ASCC3: variants seen among roughly 807,000 people sequenced by gnomAD.
ASCC3 encodes the protein ASC-1 complex subunit P200.
In ASCC3, 158 loss-of-function variants were observed where a neutral mutation model predicts 256.3. The observed-to-expected ratio is 0.62, with a 90% confidence interval of 0.54 to 0.70. The LOEUF is 0.70. Among genes scored for constraint, ASCC3 ranks in the 30% least tolerant of loss-of-function variants. The pLI is 0.00. For missense variants in ASCC3, 2,259 were observed against 2,626.0 expected (o/e 0.86, Z 3.05); for synonymous variants, 948 against 883.4 (o/e 1.07, Z -1.30).
At chr6:100,712,512 AC>A (rs1023433855) in intron 13 of ASCC3, among the ~76,000 whole-genome samples, 1 of 152,154 alleles carries the variant, frequency 6.6e-6, no homozygotes, top group African/African-American at 2.4e-5. Flanking sequence ...ATATGAAAAG[AC>A]GCTTAATATC....
intron 34 of ASCC3, among the ~76,000 whole-genome samples, chr6:100,601,236 T>C (rs1014752585): frequency 6.6e-6 from 1 of 152,104 alleles, no homozygotes; most frequent in Non-Finnish European, 1.5e-5. Flanking sequence ...TTGTAACGAC[T>C]TATATGGTTT....
chr6:100,527,288 G>A (rs943105938), intron 37 of ASCC3, among the ~76,000 whole-genome samples: 13 of 152,084 alleles, frequency 8.5e-5, no homozygotes, highest in African/African-American at 1.7e-4. Context: ...AGCTTCTTGC[G>A]CAGTACTGTC....
At chr6:100,539,842 G>A (rs1003956737) in intron 37 of ASCC3, among the ~76,000 whole-genome samples, 10 of 151,914 alleles carry the variant, frequency 6.6e-5, no homozygotes, top group Admixed American at 5.9e-4. Flanking sequence ...TAAATTGTCA[G>A]TCTTCCCCGT....
intron 10 of ASCC3, among the ~76,000 whole-genome samples, chr6:100,755,748 G>A (rs1366293338): frequency 6.6e-6 from 1 of 151,896 alleles, no homozygotes; most frequent in Admixed American, 6.6e-5. Context: ...TAAGAATACA[G>A]ACAAAACAAA....
intron 16 of ASCC3, among the ~76,000 whole-genome samples, chr6:100,661,323 TCACACACACACACA>T (rs749963143): frequency 1.4e-5 from 2 of 141,516 alleles, no homozygotes; most frequent in African/African-American, 5.1e-5. Flanking sequence ...AACACAAAAG[TCACACACACACACA>T]CACACACACA....
intron 11 of ASCC3, among the ~76,000 whole-genome samples, chr6:100,723,648 T>C (rs1450175161): frequency 1.3e-5 from 2 of 150,966 alleles, no homozygotes; most frequent in Non-Finnish European, 3.0e-5. Context: ...TCTAATTAGA[T>C]ATTGGGATGG....
chr6:100,592,341 A>G (rs1282576368), intron 34 of ASCC3, among the ~76,000 whole-genome samples: 2 of 151,922 alleles, frequency 1.3e-5, no homozygotes, highest in East Asian at 1.9e-4. Flanking sequence ...ATTGACTTGC[A>G]TAACAGAAGA....
intron 25 of ASCC3, among the ~76,000 whole-genome samples, chr6:100,633,919 T>A (rs1044901544): frequency 6.6e-6 from 1 of 151,788 alleles, no homozygotes; most frequent in East Asian, 1.9e-4. Flanking sequence ...AGTTTTGATG[T>A]TGAACCTTAA....
chr6:100,637,659 G>A (rs781669672), intron 25 of ASCC3, among the ~76,000 whole-genome samples: 3 of 152,110 alleles, frequency 2.0e-5, no homozygotes, highest in Admixed American at 6.6e-5. Context: ...TTCTTGGAAG[G>A]AGGTCAAAAT....
intron 34 of ASCC3, among the ~76,000 whole-genome samples, chr6:100,595,922 A>G (rs9386193): frequency 0.31 from 46,401 of 151,922 alleles, 8,773 homozygotes; most frequent in Middle Eastern, 0.5. Context: ...ACATTTTGCT[A>G]TTGTTCTTTA....
At chr6:100,867,101 A>G (rs1020586612) in intron 2 of ASCC3, among the ~76,000 whole-genome samples, 1 of 152,212 alleles carries the variant, frequency 6.6e-6, no homozygotes, top group African/African-American at 2.4e-5. Context: ...CAGAAAATGT[A>G]GTCATTGAAC....
chr6:100,715,665 C>G (rs1779056064), intron 12 of ASCC3, 132 bp from the exon 13 acceptor site: 1 of 663,968 alleles, frequency 1.5e-6, no homozygotes, highest in Non-Finnish European at 2.7e-6. Flanking sequence ...TATCAAATAC[C>G]TCATAAACAT....
chr6:100,543,954 A>AT (rs1480645558), intron 36 of ASCC3, among the ~76,000 whole-genome samples: 2 of 152,132 alleles, frequency 1.3e-5, no homozygotes, highest in African/African-American at 4.8e-5. Context: ...TTAGAGGGCC[A>AT]TAAAAACAAA....
chr6:100,522,485 A>C (rs935972067), intron 37 of ASCC3, among the ~76,000 whole-genome samples: 4 of 152,108 alleles, frequency 2.6e-5, no homozygotes, highest in African/African-American at 9.7e-5. Context: ...CAAGAAGTTC[A>C]GGTGAAAATG....
chr6:100,623,203 T>TA (rs998859479), intron 30 of ASCC3, among the ~76,000 whole-genome samples: 1 of 152,146 alleles, frequency 6.6e-6, no homozygotes, highest in Non-Finnish European at 1.5e-5. Flanking sequence ...TAATACAGGA[T>TA]AAAAAAATCT....
chr6:100,605,835 T>G, intron 32 of ASCC3, 135 bp from the exon 33 acceptor site: 1 of 989,220 alleles, frequency 1.0e-6, no homozygotes. Context: ...TTTGCTATGT[T>G]GATGGCTACT....
At chr6:100,794,914 A>G (rs1377307569) in intron 8 of ASCC3, among the ~76,000 whole-genome samples, 1 of 152,098 alleles carries the variant, frequency 6.6e-6, no homozygotes, top group Non-Finnish European at 1.5e-5. Flanking sequence ...GTTTCTCACC[A>G]AAAATATCAA....
At chr6:100,590,476 T>A (rs1771949121) in intron 34 of ASCC3, among the ~76,000 whole-genome samples, 1 of 152,150 alleles carries the variant, frequency 6.6e-6, no homozygotes, top group Non-Finnish European at 1.5e-5. Flanking sequence ...TAGGGATCTG[T>A]GCCTGGAAAC....
intron 2 of ASCC3, among the ~76,000 whole-genome samples, chr6:100,865,572 GA>G (rs1194702144): frequency 6.6e-6 from 1 of 151,130 alleles, no homozygotes; most frequent in Non-Finnish European, 1.5e-5. Context: ...TATCATTAGA[GA>G]AAAAAAAATC....
Sources: allele counts gnomAD v4.1 joint callset (sites outside exome capture counted in the v4.1 genomes callset), GRCh38; gene constraint gnomAD v4.1.1; transcripts MANE v1.5; gene names NCBI Gene and HGNC (gene_info 2026-07-23, HGNC 2026-07-21).